Variants in DENND2C observed in about 807,000 individuals in gnomAD.
The protein encoded by DENND2C is DENN domain-containing protein 2C.
DENND2C carries 72 observed loss-of-function variants against 112.4 expected under a neutral mutation model. That is an observed-to-expected ratio of 0.64 (90% CI 0.53 to 0.78). The LOEUF (loss-of-function observed/expected upper bound fraction) is 0.78, where lower values mean the gene tolerates loss of function less well. DENND2C is among the 30% of genes least tolerant of loss of function. The pLI is 0.00. For synonymous variants in DENND2C, 329 were observed against 381.6 expected, an observed-to-expected ratio of 0.86 and a Z score of 1.61; for missense variants, 992 against 1,113.8, an observed-to-expected ratio of 0.89 and a Z score of 1.56.
intron 4 of DENND2C, among the ~76,000 whole-genome samples, chr1:114,624,323 GC>G (rs1323670762): frequency 6.6e-6 from 1 of 152,076 alleles, no homozygotes; most frequent in African/African-American, 2.4e-5. Context: ...TATTTTAGAG[GC>G]AGGGTCTCAT....
chr1:114,614,620 T>A (rs1356623942), intron 8 of DENND2C, among the ~76,000 whole-genome samples: 1 of 152,154 alleles, frequency 6.6e-6, no homozygotes, highest in Middle Eastern at 3.2e-3. Flanking sequence ...TAAAACAAAT[T>A]TTTGGCTCTT....
At chr1:114,649,011 G>A (rs1375951797) in intron 2 of DENND2C, among the ~76,000 whole-genome samples, 1 of 151,316 alleles carries the variant, frequency 6.6e-6, no homozygotes, top group African/African-American at 2.4e-5. Context: ...CTAGAGTGCA[G>A]TGACGTGATC....
intron 10 of DENND2C, among the ~76,000 whole-genome samples, chr1:114,606,139 C>G (rs1268300401): frequency 6.6e-6 from 1 of 152,122 alleles, no homozygotes; most frequent in East Asian, 1.9e-4. Flanking sequence ...CCTCAAACTC[C>G]TGTGCTCCAG....
At chr1:114,622,313 G>A (rs1656189270) in intron 6 of DENND2C, among the ~76,000 whole-genome samples, 1 of 151,628 alleles carries the variant, frequency 6.6e-6, no homozygotes, top group Non-Finnish European at 1.5e-5. Context: ...ATGGGGTTTT[G>A]CCAGGTTGCC....
At chr1:114,633,184 C>T (rs1461455333) in intron 3 of DENND2C, among the ~76,000 whole-genome samples, 1 of 151,860 alleles carries the variant, frequency 6.6e-6, no homozygotes, top group Non-Finnish European at 1.5e-5. Context: ...CGGTGGCTCA[C>T]GCCTGTAATC....
At chr1:114,633,476 GGAAGGAAGGAAT>G (rs1182054539) in intron 3 of DENND2C, among the ~76,000 whole-genome samples, 3 of 144,926 alleles carry the variant, frequency 2.1e-5, no homozygotes, top group Non-Finnish European at 3.0e-5. Flanking sequence ...AAAGAAGGAA[GGAAGGAAGGAAT>G]GAAGGAAGGA....
intron 1 of DENND2C, among the ~76,000 whole-genome samples, chr1:114,655,046 TA>T (rs1256386070): frequency 2.0e-5 from 3 of 152,340 alleles, no homozygotes; most frequent in Non-Finnish European, 2.9e-5. Context: ...CTGGGAAATA[TA>T]ATCTTTAATC....
chr1:114,624,468 C>CT (rs59282823), intron 4 of DENND2C, among the ~76,000 whole-genome samples: 78,723 of 149,042 alleles, frequency 0.53, 20,899 homozygotes, highest in South Asian at 0.61. Flanking sequence ...TTTCTTTTTT[C>CT]TTTTTTTTTA....
intron 1 of DENND2C, among the ~76,000 whole-genome samples, chr1:114,655,816 C>T (rs1657289044): frequency 1.3e-5 from 2 of 149,564 alleles, no homozygotes; most frequent in African/African-American, 4.9e-5. Context: ...ATGTAACATA[C>T]ATAAAGCACA....
chr1:114,605,751 G>A (rs1057126695), intron 10 of DENND2C, among the ~76,000 whole-genome samples: 12 of 152,174 alleles, frequency 7.9e-5, no homozygotes, highest in Admixed American at 3.3e-4. Context: ...GCATGATTGC[G>A]CCTTGTACTC....
intron 11 of DENND2C, among the ~76,000 whole-genome samples, chr1:114,602,648 G>A (rs570890686): frequency 1.3e-5 from 2 of 151,962 alleles, no homozygotes; most frequent in South Asian, 4.2e-4. Context: ...CTGCAGCCTT[G>A]ACCTCCTGGG....
intron 1 of DENND2C, among the ~76,000 whole-genome samples, chr1:114,657,171 T>A (rs1657357241): frequency 6.6e-6 from 1 of 152,246 alleles, no homozygotes; most frequent in Non-Finnish European, 1.5e-5. Flanking sequence ...ACTGGAATTG[T>A]TAGTCTTTTT....
At chr1:114,618,083 G>A (rs553827198) in intron 8 of DENND2C, among the ~76,000 whole-genome samples, 5 of 152,004 alleles carry the variant, frequency 3.3e-5, no homozygotes, top group Non-Finnish European at 5.9e-5. Context: ...CGGCCTCCCG[G>A]GTTCACGCCA....
chr1:114,601,470 A>G, intron 13 of DENND2C, 38 bp downstream of exon 13: 1 of 1,586,528 alleles, frequency 6.3e-7, no homozygotes, highest in Non-Finnish European at 8.6e-7. Flanking sequence ...AGAGCTCAAA[A>G]AGGACACCAT....
intron 5 of DENND2C, 87 bp downstream of exon 5, chr1:114,623,420 G>A (rs1656220451): frequency 1.5e-6 from 2 of 1,327,094 alleles, no homozygotes; most frequent in East Asian, 2.4e-5. Context: ...ATATATGCTT[G>A]ATTATAGAAG....
At chr1:114,605,499 T>C (rs941990742) in intron 10 of DENND2C, among the ~76,000 whole-genome samples, 4 of 152,212 alleles carry the variant, frequency 2.6e-5, no homozygotes, top group Non-Finnish European at 5.9e-5. Flanking sequence ...TAGATGAATG[T>C]TATTTAGAAA....
chr1:114,592,940 C>T (rs997110242), intron 18 of DENND2C, among the ~76,000 whole-genome samples: 2 of 152,136 alleles, frequency 1.3e-5, no homozygotes, highest in African/African-American at 4.8e-5. Flanking sequence ...CTCTTCTTTT[C>T]ATGAAGTATT....
chr1:114,584,087 G>A lies in DENND2C; in HGVS notation c.*1513C>T, dbSNP rs1041731816. On this transcript the variant is annotated 3_prime_UTR_variant, in exon 21 of 21. Coordinates refer to ENST00000393274, the MANE Select transcript of DENND2C (RefSeq NM_001256404.2). ...TCCTCAGAGCTGAAAAGTGGCTCTGGTACACTTAATAGAAAATTTTTATTA... is the reference window on the plus strand; with the variant it reads ...TCCTCAGAGCTGAAAAGTGGCTCTGATACACTTAATAGAAAATTTTTATTA... 52 of 152,030 alleles carry A rather than the reference G, an allele frequency of 3.4e-4. 1 individual carries two copies. Among genetic ancestry groups the A allele is most frequent in the African/African-American group, 1.2e-3 (50 of 41,472 alleles). 9.4% of individuals were successfully genotyped at this position (152,030 alleles called of 1,614,324 possible). A position where few individuals can be genotyped will look rare whatever the true frequency, so the allele number is the denominator to read the frequency against.
rs375260409 is a variant in DENND2C, at chr1:114,611,539, A to C, written c.1325-422T>G. 1.2e-3 allele frequency among the ~76,000 whole-genome samples: 184 copies of C among 152,334 alleles called. 1 individual carries two copies. The highest frequency in any genetic ancestry group is 4.1e-3 in the African/African-American group (170 of 41,568). On this transcript the variant is annotated intron_variant, in intron 8 of 20. Transcript: ENST00000393274. ...CCAACCAGACTATAAATTTAGAATA[A>C]CAGGAAAACATGAGAACTAGGAGAG...
Sources: allele counts gnomAD v4.1 joint callset (sites outside exome capture counted in the v4.1 genomes callset), GRCh38; gene constraint gnomAD v4.1.1; transcripts MANE v1.5; gene names NCBI Gene and HGNC (gene_info 2026-07-23, HGNC 2026-07-21).